SLC52A3: variants seen among roughly 807,000 people sequenced by gnomAD.
SLC52A3 encodes the protein solute carrier family 52 member 3, also known as solute carrier family 52, riboflavin transporter, member 3.
A neutral mutation model predicts 29.5 loss-of-function variants in SLC52A3; 20 were observed. That is an observed-to-expected ratio of 0.68 (90% confidence interval 0.48 to 0.99). The LOEUF is 0.99. SLC52A3 is among the 50% of genes least tolerant of loss of function. The pLI is 0.00. For synonymous variants in SLC52A3, 301 were observed against 271.0 expected (o/e 1.11, Z -1.09); for missense variants, 548 against 612.9 (o/e 0.89, Z 1.12).
upstream of SLC52A3, among the ~76,000 whole-genome samples, chr20:779,529 AGAATAGCTT>A (rs1987155472): frequency 2.0e-5 from 3 of 152,344 alleles, no homozygotes; most frequent in South Asian, 6.2e-4. Context: ...AGGCTGAGGC[AGAATAGCTT>A]GAACCCAGAG....
chr20:777,301 C>T (rs1268629912), upstream of SLC52A3, among the ~76,000 whole-genome samples: 6 of 151,782 alleles, frequency 4.0e-5, no homozygotes, highest in East Asian at 1.9e-4. Context: ...GGAAAGATAT[C>T]TCAAAAGGCC....
upstream of SLC52A3, among the ~76,000 whole-genome samples, chr20:779,126 C>T (rs1314445647): frequency 6.6e-6 from 1 of 152,048 alleles, no homozygotes; most frequent in Non-Finnish European, 1.5e-5. Flanking sequence ...AGGGAAAGGA[C>T]TTATCATCTT....
rs1010736548 is a variant in SLC52A3, at chr20:763,483, C to G, written c.1073+15G>C. 1.2e-6 allele frequency: 2 copies of G among 1,613,838 alleles called. No individual in the cohort carries two copies. Among genetic ancestry groups the G allele is most frequent in the Admixed American group, 1.7e-5 (1 of 60,014 alleles). On this transcript the variant is annotated intron_variant, in intron 3 of 4. Coordinates refer to ENST00000645534, the MANE Select transcript of SLC52A3 (RefSeq NM_033409.4). ...TTCCCCCACTAGGATTCCCTAGGAC[C>G]AGATGAGGGCACACCTGTTAGGCAG... is the stretch of plus-strand genomic sequence containing the variant.
At chr20:771,212 G>C (rs978779721), upstream of SLC52A3, among the ~76,000 whole-genome samples, 2 of 152,160 alleles carry the variant, frequency 1.3e-5, no homozygotes, top group African/African-American at 4.8e-5. Flanking sequence ...TTGAGGTCAG[G>C]AGTTCAAGAC....
intron 1 of SLC52A3, 136 bp downstream of exon 1, chr20:768,158 TAAG>T (rs1986745694): frequency 1.3e-5 from 2 of 152,222 alleles, no homozygotes; most frequent in South Asian, 4.1e-4. Flanking sequence ...TAAGCACCTC[TAAG>T]GGTTACTGAT....
intron 1 of SLC52A3, among the ~76,000 whole-genome samples, chr20:766,696 C>T (rs1986697758): frequency 6.6e-6 from 1 of 152,154 alleles, no homozygotes; most frequent in African/African-American, 2.4e-5. Flanking sequence ...TTCGCTGACT[C>T]TCTTTTCGGA....
upstream of SLC52A3, among the ~76,000 whole-genome samples, chr20:770,539 C>G (rs1346536138): frequency 6.6e-6 from 1 of 152,204 alleles, no homozygotes; most frequent in Non-Finnish European, 1.5e-5. This position sits in a 1 kb window ranked among gnomAD's most constrained non-coding sequence, Gnocchi z 4.5. Context: ...TAACATCAGA[C>G]TCATCTATTT....
In SLC52A3 at chr20:765,503, A is replaced by T; in HGVS notation, c.272T>A (p.Phe91Tyr). ...VGTVTCIIFA[F>Y]LWNMTSWVLD... ...CACCCAGGAGGTCATATTCCAGAGGAAGGCAAAGATGATGCAGGTGACGGT... is the reference window on the plus strand; with the variant it reads ...CACCCAGGAGGTCATATTCCAGAGGTAGGCAAAGATGATGCAGGTGACGGT... Residue 91 changes from phenylalanine to tyrosine, a missense_variant, in exon 2 of 5, where the codon TTC becomes TAC. Phe to Tyr is a conservative substitution (Grantham distance 22, BLOSUM62 3). Coordinates refer to ENST00000645534, the MANE Select transcript of SLC52A3 (RefSeq NM_033409.4). The surrounding 1 kb of genome is among the most constrained non-coding windows in gnomAD (Gnocchi z 6.6). 1 of 1,586,692 alleles carries T rather than the reference A, an allele frequency of 6.3e-7. No individual in the cohort carries two copies.
At position 760,136 on chromosome 20, in the gene SLC52A3, A is replaced by G. The variant is rs1051868483; in HGVS notation, c.*890T>C. ...TGAAAAACAGAAACTAAAACAAAAT[A>G]ACAATCACCTCTGTTGCCTCCATTT... On this transcript the variant is annotated 3_prime_UTR_variant, in exon 5 of 5. Transcript: ENST00000645534. This position sits in a 1 kb window ranked among gnomAD's most constrained non-coding sequence, Gnocchi z 4.9. 1 of 152,200 alleles carries G rather than the reference A, an allele frequency of 6.6e-6. No individual in the cohort carries two copies. Among genetic ancestry groups the G allele is most frequent in the African/African-American group, 2.4e-5 (1 of 41,440 alleles). The allele number at this position is 152,200 out of a possible 1,614,324, so 9.4% of individuals were successfully genotyped here. A position where few individuals can be genotyped will look rare whatever the true frequency, so the allele number is the denominator to read the frequency against.
intron 3 of SLC52A3, among the ~76,000 whole-genome samples, chr20:762,186 C>T (rs538313944): frequency 6.6e-6 from 1 of 152,316 alleles, no homozygotes; most frequent in East Asian, 1.9e-4. Context: ...GCAGGCCTGG[C>T]GCCGCTGTGG....
Position 760,738 on chromosome 20 carries a change from A to G in SLC52A3, c.*288T>C. ...CGGCTGTCCCAGCTGTTTCCCTTCTAACACCCTTGGGCCTGCCTCCAGCTA... is the reference window on the plus strand; with the variant it reads ...CGGCTGTCCCAGCTGTTTCCCTTCTGACACCCTTGGGCCTGCCTCCAGCTA... On this transcript the variant is annotated 3_prime_UTR_variant, in exon 5 of 5. Coordinates refer to ENST00000645534, the MANE Select transcript of SLC52A3 (RefSeq NM_033409.4). The surrounding 1 kb of genome is among the most constrained non-coding windows in gnomAD (Gnocchi z 4.9). The G allele has an allele frequency of 2.1e-6, 1 of 477,392 alleles. No homozygotes were observed. 29.6% of individuals were successfully genotyped at this position (477,392 alleles called of 1,614,324 possible).
At chr20:766,204 G>T in intron 1 of SLC52A3, 1 of 88,604 alleles carries the variant, frequency 1.1e-5, no homozygotes, top group Non-Finnish European at 2.8e-5. Flanking sequence ...CAAAGTGCTG[G>T]GATTACAGTG....
upstream of SLC52A3, among the ~76,000 whole-genome samples, chr20:779,945 G>A (rs1027398188): frequency 1.3e-5 from 2 of 152,186 alleles, no homozygotes; most frequent in Non-Finnish European, 2.9e-5. Flanking sequence ...ATACCTATGA[G>A]TTTCCTCTTG....
chr20:771,027 T>A (rs55979979), upstream of SLC52A3, among the ~76,000 whole-genome samples: 29,277 of 152,256 alleles, frequency 0.19, 3,627 homozygotes, highest in Middle Eastern at 0.32. Context: ...AGCCCTGTTT[T>A]GCCTGTGTTG....
chr20:776,935 G>A (rs1987058751), upstream of SLC52A3, among the ~76,000 whole-genome samples: 1 of 151,394 alleles, frequency 6.6e-6, no homozygotes, highest in South Asian at 2.1e-4. Flanking sequence ...TGTCAAATCT[G>A]CAAAAAACCT....
At chr20:769,401 T>TA (rs1986781781), upstream of SLC52A3, among the ~76,000 whole-genome samples, 1 of 152,180 alleles carries the variant, frequency 6.6e-6, no homozygotes, top group African/African-American at 2.4e-5. Flanking sequence ...CTTCAACCCT[T>TA]ACAAGCTGAG....
Position 763,936 on chromosome 20 carries a change from C to T in SLC52A3, c.635G>A (p.Arg212His), listed in dbSNP as rs754685000. ...GGGTGAGAAGTGGGCGGGAAGGTAG[C>T]GGCTCTCCAGGTGGGACAAGGGTGC... is the stretch of plus-strand genomic sequence containing the variant. ...MEAPLSHLES[R>H]YLPAHFSPLV... Residue 212 changes from arginine (R) to histidine (H), a missense_variant, in exon 3 of 5, where the codon CGC (arginine) becomes CAC (histidine). Physicochemically the swap from Arg to His is conservative, Grantham distance 29 (BLOSUM62 0). Transcript: ENST00000645534. 20 of 1,613,288 alleles carry T rather than the reference C, an allele frequency of 1.2e-5. No homozygotes were observed. Among genetic ancestry groups the T allele is most frequent in the African/African-American group, 2.7e-5 (2 of 74,988 alleles).
At chr20:761,588 G>A (rs979824537) in intron 4 of SLC52A3, 113 bp downstream of exon 4, 7 of 1,509,226 alleles carry the variant, frequency 4.6e-6, no homozygotes, top group South Asian at 1.2e-5. Context: ...GGGGCTTCCC[G>A]GGAGGGTCCC....
chr20:780,031 A>G (rs570647088), upstream of SLC52A3, among the ~76,000 whole-genome samples: 119 of 152,334 alleles, frequency 7.8e-4, 1 homozygote, highest in African/African-American at 2.7e-3. Flanking sequence ...GAAGCCCTAT[A>G]CAGGGACTGT....
Sources: gnomAD v4.1 joint callset for allele counts (sites outside exome capture counted in the v4.1 genomes callset) on GRCh38, gnomAD v4.1.1 for gene constraint, Gnocchi (gnomAD v3.1) non-coding constraint, MANE v1.5 for transcripts, NCBI Gene and HGNC (gene_info 2026-07-23, HGNC 2026-07-21) for gene names.